ADAMTS6: variants seen among roughly 807,000 people sequenced by gnomAD.
ADAMTS6 encodes the protein A disintegrin and metalloproteinase with thrombospondin motifs 6.
In ADAMTS6, 23 loss-of-function variants were observed where a neutral mutation model predicts 144.3. That is an observed-to-expected ratio of 0.16 (90% CI 0.11 to 0.23). ADAMTS6 has a LOEUF of 0.23. ADAMTS6 is among the 10% of genes least tolerant of loss of function. ADAMTS6 has a pLI of 1.00. For synonymous variants in ADAMTS6, 444 were observed against 457.5 expected, an observed-to-expected ratio of 0.97 and a Z score of 0.38; for missense variants, 999 against 1,379.6, an observed-to-expected ratio of 0.72 and a Z score of 4.37.
intron 7 of ADAMTS6, among the ~76,000 whole-genome samples, chr5:65,432,245 A>C (rs1757052593): frequency 6.6e-6 from 1 of 152,016 alleles, no homozygotes; most frequent in African/African-American, 2.4e-5. Flanking sequence ...AAAACTTCTA[A>C]TAAATAAGTT....
rs1744471522 is a variant in ADAMTS6 at position 65,311,268 on chromosome 5, A to C, written c.1224-11137T>G. Among the ~76,000 whole-genome samples the C allele has an allele frequency of 3.9e-5, 6 of 152,218 alleles. No homozygotes were observed. In the South Asian group the frequency reaches 1.2e-3, roughly 32 times the overall value. ...GTAATAAAATATATAATACTATATA[A>C]TAAGTAATAAAAGGGTAAAAGGGGA... On this transcript the variant is annotated intron_variant, in intron 9 of 24. Transcript: ENST00000381055.
chr5:65,405,590 G>C (rs962585691), intron 7 of ADAMTS6, among the ~76,000 whole-genome samples: 2 of 152,158 alleles, frequency 1.3e-5, no homozygotes, highest in Non-Finnish European at 2.9e-5. Flanking sequence ...GATGCCTCCA[G>C]CTTTGTTCTT....
chr5:65,337,557 T>C (rs891093988), intron 7 of ADAMTS6, among the ~76,000 whole-genome samples: 1 of 152,182 alleles, frequency 6.6e-6, no homozygotes. Context: ...TCTACTACAC[T>C]TAAGCCAATG....
intron 14 of ADAMTS6, among the ~76,000 whole-genome samples, chr5:65,249,597 C>T (rs1759969750): frequency 6.6e-6 from 1 of 152,192 alleles, no homozygotes; most frequent in Admixed American, 6.5e-5. Flanking sequence ...AAACTTGCCT[C>T]AGTCTCTTTT....
At chr5:65,370,351 C>T (rs1580514884) in intron 7 of ADAMTS6, among the ~76,000 whole-genome samples, 1 of 152,290 alleles carries the variant, frequency 6.6e-6, no homozygotes, top group African/African-American at 2.4e-5. Context: ...TTCTGCATTT[C>T]CATCTGAGGT....
intron 14 of ADAMTS6, among the ~76,000 whole-genome samples, chr5:65,249,902 C>G (rs11745657): frequency 0.17 from 25,574 of 152,080 alleles, 2,643 homozygotes; most frequent in African/African-American, 0.29. Context: ...ATCTGGTTCT[C>G]AGCTAGCTAT....
At chr5:65,347,740 A>G (rs750610123) in intron 7 of ADAMTS6, among the ~76,000 whole-genome samples, 24 of 152,090 alleles carry the variant, frequency 1.6e-4, no homozygotes, top group Non-Finnish European at 2.2e-4. Context: ...AATATTTTAA[A>G]CCGTACATCT....
At chr5:65,175,582 G>GTGGA (rs1042735657) in intron 22 of ADAMTS6, among the ~76,000 whole-genome samples, 22 of 152,100 alleles carry the variant, frequency 1.4e-4, no homozygotes, top group Admixed American at 1.2e-3. Flanking sequence ...CCAGTAACCT[G>GTGGA]TGGATGGCCC....
chr5:65,216,011 T>C (rs1368462321), intron 18 of ADAMTS6, among the ~76,000 whole-genome samples: 1 of 152,186 alleles, frequency 6.6e-6, no homozygotes, highest in Non-Finnish European at 1.5e-5. Flanking sequence ...CAAAAGACTA[T>C]TCTTTTGGCA....
chr5:65,375,891 G>T (rs929079748), intron 7 of ADAMTS6, among the ~76,000 whole-genome samples: 2 of 152,180 alleles, frequency 1.3e-5, no homozygotes, highest in African/African-American at 4.8e-5. Context: ...GCTGGATTAA[G>T]AAAATGTGGC....
At chr5:65,473,543 T>G (rs751744874) in intron 2 of ADAMTS6, 34 bp downstream of exon 2, 1 of 1,543,460 alleles carries the variant, frequency 6.5e-7, no homozygotes, top group Non-Finnish European at 8.9e-7. Context: ...TTAATAGCAA[T>G]ATTTTTTGTC....
At chr5:65,297,500 C>T (rs1742956522) in intron 10 of ADAMTS6, among the ~76,000 whole-genome samples, 1 of 152,180 alleles carries the variant, frequency 6.6e-6, no homozygotes, top group South Asian at 2.1e-4. Flanking sequence ...AACAATTCAT[C>T]TTTCAAGATT....
chr5:65,300,245 G>T, intron 9 of ADAMTS6, 114 bp from the exon 10 acceptor site: 2 of 894,232 alleles, frequency 2.2e-6, no homozygotes, highest in Non-Finnish European at 3.4e-6. Context: ...CTTCCATCAG[G>T]ATAGGCCAGA....
At position 65,215,416 on chromosome 5, in the gene ADAMTS6, C is replaced by T. The variant is rs531111624; in HGVS notation, c.2344G>A (p.Val782Ile). ...TTGTAATGAAAAGCTGTCCCAGCAA[C>T]ATCAAATTTCCTAGGCCAGTCAATA... The part of the protein sequence containing the change: ...WTIDWPRKFD[V>I]AGTAFHYKRP... The change falls in exon 19 of 25, where the codon GTT becomes ATT. Residue 782 changes from valine (V) to isoleucine (I), a missense_variant. Transcript: ENST00000381055. 15 of 1,614,028 alleles carry T rather than the reference C, an allele frequency of 9.3e-6. No individual in the cohort carries two copies. The Admixed American group carries it at 1.3e-4, about 14-fold the overall frequency.
In ADAMTS6 at chr5:65,158,935, AT is replaced by A. The variant is rs560518209; in HGVS notation, c.3245-6991del. Among the ~76,000 whole-genome samples, 9 of 151,844 alleles carry A rather than the reference AT, an allele frequency of 5.9e-5. No homozygotes were observed. In the East Asian group the frequency reaches 9.7e-4, roughly 16 times the overall value. The stretch of plus-strand genomic sequence containing the variant: ...TCTTCAATCTCTCTCAATTTATTTT[AT>A]TTTTTAATCTTATTCAAATTCCATT... On this transcript the variant is annotated intron_variant, in intron 24 of 24. Transcript: ENST00000381055.
chr5:65,278,204 G>C (rs1247587322), intron 11 of ADAMTS6, among the ~76,000 whole-genome samples: 2 of 152,136 alleles, frequency 1.3e-5, no homozygotes. Flanking sequence ...GTATATACCA[G>C]TTTCTTTGTT....
At chr5:65,420,209 A>C (rs1394115583) in intron 7 of ADAMTS6, among the ~76,000 whole-genome samples, 1 of 152,148 alleles carries the variant, frequency 6.6e-6, no homozygotes, top group Non-Finnish European at 1.5e-5. Flanking sequence ...GTATGGGGGA[A>C]ACCAACCCCA....
rs575176919 is a variant in ADAMTS6 at position 65,368,460 on chromosome 5, T to G, written c.1074-34375A>C. Among the ~76,000 whole-genome samples the G allele has an allele frequency of 9.2e-5, 14 of 152,330 alleles. No individual in the cohort carries two copies. In the East Asian group the frequency reaches 2.7e-3, roughly 29 times the overall value. On this transcript the variant is annotated intron_variant, in intron 7 of 24. Transcript: ENST00000381055. The stretch of plus-strand genomic sequence containing the variant: ...CTAAAGAGACATGAAGCTAAAATAG[T>G]TAACTGAAATACTCTCAGGGAGAAG...
Position 65,291,330 on chromosome 5 carries a change from C to G in ADAMTS6, c.1511G>C (p.Gly504Ala). 1 of 1,612,310 alleles carries G rather than the reference C, an allele frequency of 6.2e-7. No individual in the cohort carries two copies. Among genetic ancestry groups the G allele is most frequent in the East Asian group, 2.2e-5 (1 of 44,770 alleles). Residue 504 changes from glycine (G) to alanine (A), a missense_variant and splice_region_variant, in exon 11 of 25, where the codon GGG becomes GCG. Around this residue, in one of 3 missense-constraint regions of ADAMTS6, gnomAD observed 619 missense variants for 837.0 expected, o/e 0.74. Coordinates refer to ENST00000381055, the MANE Select transcript of ADAMTS6 (RefSeq NM_197941.4). ...AACATAAGGATGAAGACTTCTTACC[C>G]CATATTTACATTGGCGGGAGGTTGC... ...YGATSRQCKY[G>A]EVCRELWCLS...
Sources: allele counts gnomAD v4.1 joint callset (sites outside exome capture counted in the v4.1 genomes callset), GRCh38; gene constraint gnomAD v4.1.1; regional missense constraint gnomAD v4.1.1; transcripts MANE v1.5; gene names NCBI Gene and HGNC (gene_info 2026-07-23, HGNC 2026-07-21).